The following BDNF variants were observed in gnomAD, a reference collection of about 807,000 sequenced individuals.
The protein encoded by BDNF is brain derived neurotrophic factor, also known as neurotrophic factor BDNF precursor form.
Under a neutral mutation model 19.5 loss-of-function variants are expected in BDNF, and 1 was observed. The observed-to-expected ratio is 0.05, with a 90% CI of 0.02 to 0.24. The LOEUF (loss-of-function observed/expected upper bound fraction) is 0.24, where lower values mean the gene tolerates loss of function less well. Ranked by LOEUF, BDNF falls within the 10% of genes least tolerant of loss-of-function variation. BDNF has a pLI of 1.00. For missense variants in BDNF, 195 were observed against 317.6 expected (o/e 0.61, Z 2.93); for synonymous variants, 100 against 121.6 (o/e 0.82, Z 1.17).
intron 1 of BDNF, among the ~76,000 whole-genome samples, chr11:27,688,036 C>T (rs901534935): frequency 2.0e-5 from 3 of 152,176 alleles, no homozygotes; most frequent in Non-Finnish European, 2.9e-5. Flanking sequence ...GGTGCTCTGT[C>T]CCATGAGATG....
At chr11:27,699,723 C>G in intron 1 of BDNF, 2 of 1,365,154 alleles carry the variant, frequency 1.5e-6, no homozygotes, top group South Asian at 1.6e-5. Flanking sequence ...CCACTCCCCC[C>G]GCAAGTCGGC....
intron 1 of BDNF, among the ~76,000 whole-genome samples, chr11:27,714,966 C>G (rs1044750422): frequency 6.6e-6 from 1 of 152,072 alleles, no homozygotes; most frequent in Non-Finnish European, 1.5e-5. Flanking sequence ...AGAGGTCTGT[C>G]CCCTTCTAAG....
At chr11:27,666,081 C>A (rs1360168311) in intron 1 of BDNF, among the ~76,000 whole-genome samples, 2 of 152,180 alleles carry the variant, frequency 1.3e-5, no homozygotes, top group Admixed American at 6.5e-5. Context: ...TCCAGAGGAA[C>A]AATCAGGGAG....
rs969603027 is a variant in BDNF at position 27,655,114 on chromosome 11, T to C, written c.*2707A>G. 26 of 152,360 alleles carry C rather than the reference T, an allele frequency of 1.7e-4. No homozygotes were observed. The highest frequency in any genetic ancestry group is 1.2e-4 in the Non-Finnish European group (8 of 67,996). The allele number at this position is 152,360 out of a possible 1,614,324, so 9.4% of individuals were successfully genotyped here. On this transcript the variant is annotated 3_prime_UTR_variant, in exon 2 of 2. Coordinates refer to ENST00000356660, the MANE Select transcript of BDNF (RefSeq NM_001709.5). The stretch of plus-strand genomic sequence containing the variant: ...TACATGGTGAATAATATCTTTACCA[T>C]AGAGAGAACAAGGCCACAGACATTT...
At chr11:27,694,020 G>A (rs1858650190) in intron 1 of BDNF, among the ~76,000 whole-genome samples, 1 of 151,520 alleles carries the variant, frequency 6.6e-6, no homozygotes, top group Non-Finnish European at 1.5e-5. Context: ...TTGCTTCCAT[G>A]AATAACACAA....
At chr11:27,714,751 C>G (rs1431275882) in intron 1 of BDNF, among the ~76,000 whole-genome samples, 1 of 152,030 alleles carries the variant, frequency 6.6e-6, no homozygotes, top group Non-Finnish European at 1.5e-5. Context: ...TAGACTATAT[C>G]TTTTATATCA....
chr11:27,674,281 A>C, intron 1 of BDNF: 1 of 1,561,972 alleles, frequency 6.4e-7, no homozygotes, highest in Non-Finnish European at 8.7e-7. Flanking sequence ...GTGGCTCCAC[A>C]CATCCAGTTG....
At chr11:27,708,825 C>CTTTTTTTTTTTTTTTTTT (rs67977614) in intron 1 of BDNF, among the ~76,000 whole-genome samples, 1 of 112,434 alleles carries the variant, frequency 8.9e-6, no homozygotes, top group Non-Finnish European at 1.7e-5. Flanking sequence ...TAGAATTCCT[C>CTTTTTTTTTTTTTTTTTT]TTTTTTTTTT....
intron 1 of BDNF, among the ~76,000 whole-genome samples, chr11:27,683,799 G>T (rs1283949142): frequency 1.3e-5 from 2 of 152,124 alleles, no homozygotes; most frequent in African/African-American, 2.4e-5. Flanking sequence ...TGATGTTTTG[G>T]TTACTGTAGC....
At chr11:27,665,955 G>A (rs1854235420) in intron 1 of BDNF, among the ~76,000 whole-genome samples, 1 of 152,134 alleles carries the variant, frequency 6.6e-6, no homozygotes, top group African/African-American at 2.4e-5. Context: ...ATCTGAGAAT[G>A]GACAGTCTGC....
chr11:27,686,648 C>T (rs1473060763), intron 1 of BDNF, among the ~76,000 whole-genome samples: 1 of 152,166 alleles, frequency 6.6e-6, no homozygotes, highest in African/African-American at 2.4e-5. Flanking sequence ...ATTTCTACTT[C>T]ACTTCTGAAG....
At chr11:27,677,309 G>A (rs1035459384) in intron 1 of BDNF, 1 of 152,166 alleles carries the variant, frequency 6.6e-6, no homozygotes, top group Non-Finnish European at 1.5e-5. Context: ...TTTTCCTGCT[G>A]ACCCAGCAAT....
At chr11:27,721,704 G>C (rs1860742197) in exon 1 of BDNF, 2 of 526,240 alleles carry the variant, frequency 3.8e-6, no homozygotes, top group Admixed American at 6.4e-5. Flanking sequence ...TTCCTTTTGA[G>C]TTCTTACGTG....
chr11:27,662,781 G>A (rs576136799), intron 1 of BDNF, among the ~76,000 whole-genome samples: 10 of 152,318 alleles, frequency 6.6e-5, no homozygotes, highest in South Asian at 2.1e-4. Context: ...CTCACCCGCC[G>A]CTCACTTCCT....
Position 27,682,403 on chromosome 11 carries a change from A to ATTG in BDNF, c.-22+17760_-22+17761insCAA, listed in dbSNP as rs769251028. ...ATTTTATTGTATTTCTTTTATTATT[A>ATTG]TTATTATAATAATAATAATAATACT... is the stretch of plus-strand genomic sequence containing the variant. On this transcript the variant is annotated intron_variant, in intron 1 of 1. Coordinates refer to ENST00000356660, the MANE Select transcript of BDNF (RefSeq NM_001709.5). 3.7e-3 allele frequency among the ~76,000 whole-genome samples: 550 copies of ATTG among 150,208 alleles called. 3 individuals carry two copies. The highest frequency in any genetic ancestry group is 7.4e-3 in the South Asian group (35 of 4,748).
upstream of BDNF, chr11:27,701,463 A>T (rs556174406): frequency 1.8e-5 from 18 of 993,160 alleles, no homozygotes; most frequent in Non-Finnish European, 2.0e-5. Context: ...TCTGTTCTGC[A>T]GCAAAGAAGT....
Position 27,657,235 on chromosome 11 carries a change from AAAAC to A in BDNF, c.*582_*585del, listed in dbSNP as rs972055807. ...CTACTCCCTGTGGGAACTAAAAAAC[AAAAC>A]AAACAAACGAAAAAAAAACACAAAA... On this transcript the variant is annotated 3_prime_UTR_variant, in exon 2 of 2. Coordinates refer to ENST00000356660, the MANE Select transcript of BDNF (RefSeq NM_001709.5). The surrounding 1 kb of genome is among the most constrained non-coding windows in gnomAD (Gnocchi z 5.0). The A allele has an allele frequency of 3.8e-4, 379 of 986,946 alleles. No homozygotes were observed. The highest frequency in any genetic ancestry group is 6.0e-4 in the Admixed American group (10 of 16,686). The allele number at this position is 986,946 out of a possible 1,614,324, so 61.1% of individuals were successfully genotyped here.
chr11:27,703,314 A>T (rs1317212278), upstream of BDNF, among the ~76,000 whole-genome samples: 1 of 152,228 alleles, frequency 6.6e-6, no homozygotes, highest in Non-Finnish European at 1.5e-5. Context: ...CTTGTACTAC[A>T]TTATAAAGGA....
intron 1 of BDNF, chr11:27,720,907 C>T (rs1175222583): frequency 1.2e-5 from 4 of 341,946 alleles, no homozygotes; most frequent in African/African-American, 4.5e-5. Context: ...TACCCATTAC[C>T]GGTGATATGC....
Sources: gnomAD v4.1 joint callset for allele counts (sites outside exome capture counted in the v4.1 genomes callset) on GRCh38, gnomAD v4.1.1 for gene constraint, Gnocchi (gnomAD v3.1) non-coding constraint, MANE v1.5 for transcripts, NCBI Gene and HGNC (gene_info 2026-07-23, HGNC 2026-07-21) for gene names.